The following MCM6 variants were observed in gnomAD, a reference collection of about 807,000 sequenced individuals.
MCM6 encodes the protein minichromosome maintenance complex component 6.
A neutral mutation model predicts 94.3 loss-of-function variants in MCM6; 46 were observed. The observed-to-expected ratio is 0.49, with a 90% CI of 0.39 to 0.62. The LOEUF (loss-of-function observed/expected upper bound fraction) is 0.62. Ranked by LOEUF, MCM6 falls within the 20% of genes least tolerant of loss-of-function variation. The probability of loss-of-function intolerance (pLI) is 0.00; values close to 1 mark genes in which losing one functional copy is unlikely to be tolerated. For synonymous variants in MCM6, 335 were observed against 351.9 expected, an observed-to-expected ratio of 0.95 and a Z score of 0.54; for missense variants, 865 against 1,017.9, an observed-to-expected ratio of 0.85 and a Z score of 2.04.
In MCM6 at chr2:135,846,140, C is replaced by T. The variant is rs139232016; in HGVS notation, c.2209+97G>A. ...TTATCTAACAACTTATCCTCTCTTCCGACAGAACAACACGAAGTTTGGCAA... is the reference window on the plus strand; with the variant it reads ...TTATCTAACAACTTATCCTCTCTTCTGACAGAACAACACGAAGTTTGGCAA... On this transcript the variant is annotated intron_variant, in intron 15 of 16. Transcript: ENST00000264156. 38 of 1,271,100 alleles carry T rather than the reference C, an allele frequency of 3.0e-5. No individual in the cohort carries two copies. The Middle Eastern group carries it at 8.4e-4, about 28-fold the overall frequency. The allele number at this position is 1,271,100 out of a possible 1,614,324, so 78.7% of individuals were successfully genotyped here.
In MCM6 at chr2:135,862,663, C is replaced by G; in HGVS notation, c.1164G>C (p.Gly388=). 6.2e-7 allele frequency: 1 copy of G among 1,614,078 alleles called. No homozygotes were observed. The highest frequency in any genetic ancestry group is 8.5e-7 in the Non-Finnish European group (1 of 1,180,008). The change falls in exon 8 of 17, where the codon GGG becomes GGC. Residue 388 remains glycine, a synonymous_variant. Coordinates refer to ENST00000264156, the MANE Select transcript of MCM6 (RefSeq NM_005915.6). ...CACCAACAATGCAAACATTTATGTC[C>G]CCTCGAAGAGAGGTCCCTTCTCCTG... ...KTTGEGTSLR[G]DINVCIVGDP...
At chr2:135,873,725 T>C (rs1311803928) in intron 1 of MCM6, among the ~76,000 whole-genome samples, 1 of 152,244 alleles carries the variant, frequency 6.6e-6, no homozygotes, top group African/African-American at 2.4e-5. Context: ...ACTAACACTT[T>C]GTCTGCGTCT....
At chr2:135,860,433 TA>T (rs1410225793) in intron 8 of MCM6, among the ~76,000 whole-genome samples, 11 of 152,134 alleles carry the variant, frequency 7.2e-5, no homozygotes, top group African/African-American at 2.7e-4. Flanking sequence ...CGCGCCCAGC[TA>T]AAACATCAAT....
chr2:135,875,213 A>G (rs1332097566), intron 1 of MCM6, among the ~76,000 whole-genome samples: 1 of 152,130 alleles, frequency 6.6e-6, no homozygotes, highest in Non-Finnish European at 1.5e-5. Context: ...TAAAATACCA[A>G]ATTAGCCGGG....
intron 4 of MCM6, among the ~76,000 whole-genome samples, chr2:135,867,908 T>C (rs1412101927): frequency 1.3e-5 from 2 of 151,992 alleles, no homozygotes; most frequent in African/African-American, 4.8e-5. Flanking sequence ...GCACCTGTAG[T>C]CCCAGCTACT....
At chr2:135,854,479 G>A (rs1339254595) in intron 11 of MCM6, among the ~76,000 whole-genome samples, 8 of 130,870 alleles carry the variant, frequency 6.1e-5, no homozygotes, top group Non-Finnish European at 1.2e-4. Context: ...GCAGTGAGGT[G>A]AGACGGCAGC....
At chr2:135,873,117 G>GT (rs1339094650) in intron 1 of MCM6, among the ~76,000 whole-genome samples, 1 of 152,124 alleles carries the variant, frequency 6.6e-6, no homozygotes, top group Non-Finnish European at 1.5e-5. Context: ...TTCTCTGATA[G>GT]TAAGTCTCAC....
At position 135,848,169 on chromosome 2, in the gene MCM6, T is replaced by C; in HGVS notation, c.1937A>G (p.Lys646Arg). The change falls in exon 14 of 17, where the codon AAG becomes AGG. Residue 646 changes from lysine (K) to arginine (R), a missense_variant. Lys to Arg is a conservative substitution (Grantham distance 26). This residue lies in a region of MCM6 where 308 missense variants were observed against 324.5 expected (regional missense o/e 0.95). Transcript: ENST00000264156. The stretch of plus-strand genomic sequence containing the variant: ...TTTATTCAGTAACCGGAAAGCTTCC[T>C]TCACATGTTTAGGTTGGACCTAAAC... Reference protein sequence around the residue: ...CCDEVQPKHVKEAFRLLNKSI... With the variant: ...CCDEVQPKHVREAFRLLNKSI... 1 of 1,612,424 alleles carries C rather than the reference T, an allele frequency of 6.2e-7. No homozygotes were observed. The highest frequency in any genetic ancestry group is 8.5e-7 in the Non-Finnish European group (1 of 1,178,542).
chr2:135,876,221 C>T (rs1321550877), intron 1 of MCM6, 38 bp downstream of exon 1: 2 of 1,525,852 alleles, frequency 1.3e-6, no homozygotes, highest in African/African-American at 1.4e-5. Context: ...GCCGCAGGCT[C>T]CGGAGGCGGG....
rs758707017 is a variant in MCM6, at chr2:135,866,637, G to C, written c.707C>G (p.Ala236Gly). The C allele has an allele frequency of 6.2e-7, 1 of 1,614,172 alleles. No homozygotes were observed. Among genetic ancestry groups the C allele is most frequent in the Non-Finnish European group, 8.5e-7 (1 of 1,180,028 alleles). Residue 236 changes from alanine to glycine, a missense_variant, in exon 5 of 17, where the codon GCT becomes GGT. Transcript: ENST00000264156. ...VILRAEAVESAQAGDKCDFTG... is the reference protein window; with the variant it reads ...VILRAEAVESGQAGDKCDFTG... Reference sequence around the variant, plus strand: ...AAAGTCACACTTGTCACCAGCTTGAGCTGATTCCACAGCTTCAGCCCTTAA... The same window carrying C: ...AAAGTCACACTTGTCACCAGCTTGACCTGATTCCACAGCTTCAGCCCTTAA...
At chr2:135,853,805 C>A (rs1421155026) in intron 11 of MCM6, among the ~76,000 whole-genome samples, 1 of 151,726 alleles carries the variant, frequency 6.6e-6, no homozygotes, top group East Asian at 1.9e-4. Flanking sequence ...CAGATATATA[C>A]AGACAGTAAG....
chr2:135,854,877 G>A (rs754295238), intron 11 of MCM6, among the ~76,000 whole-genome samples: 8 of 151,746 alleles, frequency 5.3e-5, no homozygotes, highest in South Asian at 2.1e-4. Flanking sequence ...AAAACAAGCC[G>A]GGCGCGGTGG....
chr2:135,876,404 A>T lies in MCM6; in HGVS notation c.-39T>A. The T allele has an allele frequency of 6.6e-7, 1 of 1,525,448 alleles. No homozygotes were observed. Among genetic ancestry groups the T allele is most frequent in the Non-Finnish European group, 8.8e-7 (1 of 1,131,876 alleles). 94.5% of individuals were successfully genotyped at this position (1,525,448 alleles called of 1,614,324 possible). On this transcript the variant is annotated 5_prime_UTR_variant, in exon 1 of 17. Transcript: ENST00000264156. ...CGAGGATTCGCCTGCGCCACGCTCG[A>T]CCGCCACAAGTCGCTTTTTTCCAGA...
intron 15 of MCM6, 145 bp from the exon 16 acceptor site, chr2:135,844,829 G>C: frequency 1.4e-6 from 1 of 714,304 alleles, no homozygotes; most frequent in South Asian, 3.7e-5. Flanking sequence ...CGTAAGGTCC[G>C]CAATGTTCTA....
intron 12 of MCM6, chr2:135,851,862 C>G (rs894183388): frequency 1.5e-5 from 3 of 199,622 alleles, no homozygotes; most frequent in Non-Finnish European, 3.1e-5. Context: ...GATGTAATGT[C>G]TTTTACACCT....
intron 1 of MCM6, among the ~76,000 whole-genome samples, chr2:135,874,305 T>C (rs551089652): frequency 1.3e-5 from 2 of 152,114 alleles, no homozygotes; most frequent in African/African-American, 4.8e-5. Context: ...CCAGAGATAA[T>C]GAAAAACAAA....
intron 15 of MCM6, among the ~76,000 whole-genome samples, chr2:135,846,013 AAAG>A (rs1293526259): frequency 3.9e-5 from 6 of 152,256 alleles, no homozygotes; most frequent in Non-Finnish European, 7.3e-5. Context: ...AGAATGTTAA[AAAG>A]AAGGACCTAC....
chr2:135,859,626 G>A (rs902515461), intron 8 of MCM6, among the ~76,000 whole-genome samples, 184 bp from the exon 9 acceptor site: 1 of 150,104 alleles, frequency 6.7e-6, no homozygotes, highest in South Asian at 2.1e-4. Context: ...TTTTTTTTGA[G>A]AGGGTCTCGC....
chr2:135,866,893 ACTC>A (rs1680103476), intron 4 of MCM6, among the ~76,000 whole-genome samples, 165 bp from the exon 5 acceptor site: 1 of 151,874 alleles, frequency 6.6e-6, no homozygotes, highest in South Asian at 2.1e-4. Flanking sequence ...CTACTCTAAA[ACTC>A]CTTTTAGTCA....
Sources: gnomAD v4.1 joint callset for allele counts (sites outside exome capture counted in the v4.1 genomes callset) on GRCh38, gnomAD v4.1.1 for gene constraint, gnomAD v4.1.1 regional missense constraint, MANE v1.5 for transcripts, NCBI Gene and HGNC (gene_info 2026-07-23, HGNC 2026-07-21) for gene names.